The following LPP variants were observed in gnomAD, a reference collection of about 807,000 sequenced individuals.
LPP encodes the protein LIM domain containing preferred translocation partner in lipoma.
In LPP, 38 loss-of-function variants were observed where a neutral mutation model predicts 60.4. The observed-to-expected ratio is 0.63, with a 90% CI of 0.49 to 0.83. The LOEUF (loss-of-function observed/expected upper bound fraction) is 0.83. Ranked by LOEUF, LPP falls within the 40% of genes least tolerant of loss-of-function variation. LPP has a pLI of 0.00. For synonymous variants in LPP, 328 were observed against 290.8 expected (o/e 1.13, Z -1.30); for missense variants, 902 against 783.6 (o/e 1.15, Z -1.80).
chr3:188,708,212 C>A, intron 7 of LPP, 55 bp from the exon 8 acceptor site: 1 of 1,599,726 alleles, frequency 6.3e-7, no homozygotes, highest in South Asian at 1.1e-5. Context: ...AGGCTGACTG[C>A]CTTGGTTGAT....
chr3:188,889,854 C>T lies in LPP; in HGVS notation c.*15375C>T, dbSNP rs1016563744. 1.9e-5 allele frequency: 4 copies of T among 213,788 alleles called. No homozygotes were observed. Among genetic ancestry groups the T allele is most frequent in the African/African-American group, 9.0e-5 (4 of 44,366 alleles). The allele number at this position is 213,788 out of a possible 1,614,324, so 13.2% of individuals were successfully genotyped here. On this transcript the variant is annotated 3_prime_UTR_variant, in exon 12 of 12. Coordinates refer to ENST00000617246, the MANE Select transcript of LPP (RefSeq NM_001375462.1). Reference sequence around the variant, plus strand: ...ATGCCTACTCTTCCTGTTGATGTTCCTTTTCTGTTTTTACCTTGTCCAATT... The same window carrying T: ...ATGCCTACTCTTCCTGTTGATGTTCTTTTTCTGTTTTTACCTTGTCCAATT...
intron 1 of LPP, among the ~76,000 whole-genome samples, chr3:188,223,077 C>T (rs1716404152): frequency 6.6e-6 from 1 of 152,154 alleles, no homozygotes; most frequent in South Asian, 2.1e-4. Context: ...TACTCAAGGC[C>T]AACTCCATCA....
chr3:188,871,810 GA>G (rs1402299968), intron 10 of LPP, among the ~76,000 whole-genome samples: 1 of 151,644 alleles, frequency 6.6e-6, no homozygotes, highest in Non-Finnish European at 1.5e-5. Context: ...ACCTGTCATA[GA>G]AAAAAAATTG....
chr3:188,566,399 T>C (rs1221733814), intron 6 of LPP, among the ~76,000 whole-genome samples: 1 of 151,966 alleles, frequency 6.6e-6, no homozygotes, highest in Non-Finnish European at 1.5e-5. Flanking sequence ...ATATTTTCTG[T>C]ATCATATTTC....
intron 2 of LPP, chr3:188,239,931 T>A (rs576551842): frequency 3.4e-5 from 7 of 203,802 alleles, no homozygotes; most frequent in Middle Eastern, 1.7e-3. Context: ...AATTGGTAGA[T>A]CATTTGCAAT....
At chr3:188,718,775 T>C (rs1348943671) in intron 8 of LPP, among the ~76,000 whole-genome samples, 1 of 152,220 alleles carries the variant, frequency 6.6e-6, no homozygotes, top group East Asian at 1.9e-4. Flanking sequence ...GGACATGGTA[T>C]ATAGTAAACT....
intron 2 of LPP, among the ~76,000 whole-genome samples, chr3:188,308,916 GTCT>G (rs893658229): frequency 3.0e-4 from 22 of 73,768 alleles, no homozygotes; most frequent in East Asian, 1.2e-3. Context: ...CTTCTTCTTC[GTCT>G]TCTTCTTCTT....
chr3:188,876,642 AT>A lies in LPP; in HGVS notation c.*2164del. On this transcript the variant is annotated 3_prime_UTR_variant, in exon 12 of 12. Transcript: ENST00000617246. Reference sequence around the variant, plus strand: ...TTGAATTTTGACTTAGTAACTTTTTATGTAATACTTTCGGAGAAATTCTCTT... The same window carrying A: ...TTGAATTTTGACTTAGTAACTTTTTAGTAATACTTTCGGAGAAATTCTCTT... 5.1e-6 allele frequency: 1 copy of A among 196,730 alleles called. No individual in the cohort carries two copies. The highest frequency in any genetic ancestry group is 7.9e-5 in the East Asian group (1 of 12,626). The allele number at this position is 196,730 out of a possible 1,614,324, so 12.2% of individuals were successfully genotyped here. A position where few individuals can be genotyped will look rare whatever the true frequency, so the allele number is the denominator to read the frequency against.
At chr3:188,337,037 G>C (rs1761849677) in intron 2 of LPP, among the ~76,000 whole-genome samples, 1 of 152,122 alleles carries the variant, frequency 6.6e-6, no homozygotes, top group Admixed American at 6.5e-5. Context: ...CAGGAGGCAG[G>C]GTACTGCTTC....
chr3:188,511,689 C>CTA (rs61212773), intron 5 of LPP, among the ~76,000 whole-genome samples: 5,057 of 152,186 alleles, frequency 0.033, 283 homozygotes, highest in African/African-American at 0.12. Context: ...GATCCTTGGG[C>CTA]TATCCTCTTT....
In LPP at chr3:188,527,156, C is replaced by G. The variant is rs148381226; in HGVS notation, c.429+2369C>G. On this transcript the variant is annotated intron_variant, in intron 6 of 11. Transcript: ENST00000617246. The stretch of plus-strand genomic sequence containing the variant: ...GAGTAGAATATAGGTCTGGGACCAG[C>G]CTGGCCAACATGGTGAAACCCCATC... Among the ~76,000 whole-genome samples the G allele has an allele frequency of 5.9e-5, 9 of 152,078 alleles. No homozygotes were observed. The East Asian group carries it at 1.7e-3, about 30-fold the overall frequency.
At chr3:188,188,580 C>T (rs1433674640) in intron 1 of LPP, among the ~76,000 whole-genome samples, 1 of 152,016 alleles carries the variant, frequency 6.6e-6, no homozygotes, top group Non-Finnish European at 1.5e-5. Context: ...TGGGAAAAAC[C>T]AGATTCATTC....
At chr3:188,645,386 A>G (rs532161228) in intron 7 of LPP, among the ~76,000 whole-genome samples, 1 of 152,194 alleles carries the variant, frequency 6.6e-6, no homozygotes, top group East Asian at 1.9e-4. Flanking sequence ...TCGTCTCTCC[A>G]TTTGGATGGC....
chr3:188,730,457 G>T (rs1187641474), intron 8 of LPP, among the ~76,000 whole-genome samples: 1 of 152,184 alleles, frequency 6.6e-6, no homozygotes, highest in African/African-American at 2.4e-5. Context: ...TTATCCCAAG[G>T]TTGGAGATAT....
rs147199483 is a variant in LPP, at chr3:188,605,793, T to C, written c.430-3368T>C. ...TAATATTCCATTTGATGCAGATAGATAGCTTTCTGGTAAACTAGGTTGATC... is the reference window on the plus strand; with the variant it reads ...TAATATTCCATTTGATGCAGATAGACAGCTTTCTGGTAAACTAGGTTGATC... On this transcript the variant is annotated intron_variant, in intron 6 of 11. Coordinates refer to ENST00000617246, the MANE Select transcript of LPP (RefSeq NM_001375462.1). Among the ~76,000 whole-genome samples the C allele has an allele frequency of 3.2e-3, 482 of 152,272 alleles. 3 individuals are homozygous for C. Among genetic ancestry groups the C allele is most frequent in the African/African-American group, 0.011 (465 of 41,578 alleles).
chr3:188,656,199 GA>G (rs67731158), intron 7 of LPP, among the ~76,000 whole-genome samples: 5,171 of 134,498 alleles, frequency 0.038, 128 homozygotes, highest in Middle Eastern at 0.074. Flanking sequence ...TCTCCAAAAG[GA>G]AAAAAAAAAA....
At chr3:188,522,301 C>T (rs147295657) in intron 5 of LPP, among the ~76,000 whole-genome samples, 4 of 152,260 alleles carry the variant, frequency 2.6e-5, no homozygotes, top group East Asian at 1.9e-4. Flanking sequence ...AAATCTGGGC[C>T]GTCCAGCTTG....
intron 4 of LPP, among the ~76,000 whole-genome samples, chr3:188,422,801 A>G: frequency 6.6e-6 from 1 of 151,930 alleles, no homozygotes; most frequent in Non-Finnish European, 1.5e-5. Context: ...AACTTGAACT[A>G]CTGTATTACA....
chr3:188,240,360 T>G (rs974649955), intron 2 of LPP, among the ~76,000 whole-genome samples: 1 of 146,332 alleles, frequency 6.8e-6, no homozygotes, highest in African/African-American at 2.7e-5. Context: ...TGTGTGTGTG[T>G]GTGTGTGTGT....
Sources: allele counts gnomAD v4.1 joint callset (sites outside exome capture counted in the v4.1 genomes callset), GRCh38; gene constraint gnomAD v4.1.1; transcripts MANE v1.5; gene names NCBI Gene and HGNC (gene_info 2026-07-23, HGNC 2026-07-21).